Variants in ZFPM2 observed in about 807,000 individuals in gnomAD.
ZFPM2 encodes the protein zinc finger protein ZFPM2.
ZFPM2 carries 20 observed loss-of-function variants against 98.6 expected under a neutral mutation model. That is an observed-to-expected ratio of 0.20 (90% CI 0.14 to 0.29). The LOEUF (loss-of-function observed/expected upper bound fraction) is 0.29, where lower values mean the gene tolerates loss of function less well. Ranked by LOEUF, ZFPM2 falls within the 10% of genes least tolerant of loss-of-function variation. ZFPM2 has a pLI of 1.00. For missense variants in ZFPM2, 1,310 were observed against 1,388.6 expected, an observed-to-expected ratio of 0.94 and a Z score of 0.90; for synonymous variants, 518 against 502.7, an observed-to-expected ratio of 1.03 and a Z score of -0.41.
chr8:105,437,469 T>G (rs560902314), intron 2 of ZFPM2, among the ~76,000 whole-genome samples: 1 of 147,580 alleles, frequency 6.8e-6, no homozygotes, highest in Non-Finnish European at 1.5e-5. Context: ...CTTAATAGGT[T>G]GAATTACAAA....
intron 1 of ZFPM2, among the ~76,000 whole-genome samples, chr8:105,366,006 C>G (rs951901881): frequency 6.6e-6 from 1 of 152,124 alleles, no homozygotes; most frequent in African/African-American, 2.4e-5. Context: ...TGTAAAACTT[C>G]CCACATCTTT....
At chr8:105,515,818 A>AAAGAAAAT (rs1813907604) in intron 3 of ZFPM2, among the ~76,000 whole-genome samples, 1 of 152,026 alleles carries the variant, frequency 6.6e-6, no homozygotes, top group Non-Finnish European at 1.5e-5. Flanking sequence ...AGGCAATTTT[A>AAAGAAAAT]AAGAAAATAT....
At chr8:105,378,572 G>A (rs1424565070) in intron 1 of ZFPM2, among the ~76,000 whole-genome samples, 4 of 152,054 alleles carry the variant, frequency 2.6e-5, no homozygotes, top group East Asian at 1.9e-4. Context: ...GAGGACGCTC[G>A]GTAAATATTT....
chr8:105,557,942 G>A (rs1277168177), intron 3 of ZFPM2, among the ~76,000 whole-genome samples: 1 of 152,108 alleles, frequency 6.6e-6, no homozygotes, highest in Non-Finnish European at 1.5e-5. Flanking sequence ...GACTGTCAGT[G>A]TTGAAAAACA....
At chr8:105,380,901 A>G (rs1489551540) in intron 1 of ZFPM2, among the ~76,000 whole-genome samples, 1 of 104,628 alleles carries the variant, frequency 9.6e-6, no homozygotes, top group Non-Finnish European at 1.8e-5. Context: ...TATATATAAT[A>G]TATAATATAT....
At chr8:105,326,219 C>T (rs569961375) in intron 1 of ZFPM2, among the ~76,000 whole-genome samples, 14 of 151,726 alleles carry the variant, frequency 9.2e-5, no homozygotes, top group South Asian at 2.1e-4. Context: ...AATAAAAGAT[C>T]GTAGGTTTCC....
At chr8:105,394,888 A>G (rs529001510) in intron 1 of ZFPM2, among the ~76,000 whole-genome samples, 3 of 152,322 alleles carry the variant, frequency 2.0e-5, no homozygotes, top group African/African-American at 4.8e-5. Flanking sequence ...TCTTGAAACA[A>G]GGGATGCCTG....
intron 5 of ZFPM2, among the ~76,000 whole-genome samples, chr8:105,673,207 T>TA (rs1554571786): frequency 3.4e-5 from 5 of 149,152 alleles, no homozygotes; most frequent in South Asian, 4.2e-4. Context: ...TTTTTTTTTT[T>TA]ACCGATCGTA....
intron 3 of ZFPM2, among the ~76,000 whole-genome samples, chr8:105,534,855 G>A (rs1236648451): frequency 1.3e-5 from 2 of 152,138 alleles, no homozygotes; most frequent in Non-Finnish European, 2.9e-5. Context: ...GAAAATGATT[G>A]CTTTGGCTGT....
chr8:105,778,834 A>T (rs1291108481), intron 5 of ZFPM2, among the ~76,000 whole-genome samples: 1 of 152,000 alleles, frequency 6.6e-6, no homozygotes, highest in African/African-American at 2.4e-5. Flanking sequence ...TTTTTATGAA[A>T]ACCACAAAAA....
intron 1 of ZFPM2, among the ~76,000 whole-genome samples, chr8:105,362,679 C>T (rs536633416): frequency 1.3e-5 from 2 of 152,120 alleles, no homozygotes; most frequent in Admixed American, 6.5e-5. Flanking sequence ...ATGGTGTTCC[C>T]CTGAGTGAAT....
chr8:105,779,623 C>G (rs972132548), intron 5 of ZFPM2, among the ~76,000 whole-genome samples: 5 of 152,162 alleles, frequency 3.3e-5, no homozygotes, highest in Non-Finnish European at 5.9e-5. Flanking sequence ...GCTCTGTAAC[C>G]TAGCAACAGA....
At chr8:105,547,044 G>A (rs1772174426) in intron 3 of ZFPM2, among the ~76,000 whole-genome samples, 2 of 152,032 alleles carry the variant, frequency 1.3e-5, no homozygotes, top group African/African-American at 4.8e-5. Context: ...ATCTGGTGGA[G>A]GACAAAATAT....
intron 3 of ZFPM2, among the ~76,000 whole-genome samples, chr8:105,544,748 G>A (rs1423074889): frequency 1.3e-5 from 2 of 152,178 alleles, no homozygotes; most frequent in Non-Finnish European, 2.9e-5. Context: ...CCCCCCAAAT[G>A]CAAGATGATT....
intron 3 of ZFPM2, among the ~76,000 whole-genome samples, chr8:105,461,046 C>A (rs551390739): frequency 2.6e-4 from 39 of 151,870 alleles, no homozygotes; most frequent in African/African-American, 9.4e-4. Flanking sequence ...ATCATAATTA[C>A]CATTATGTGG....
At chr8:105,672,080 T>G (rs1410725935) in intron 5 of ZFPM2, among the ~76,000 whole-genome samples, 1 of 152,158 alleles carries the variant, frequency 6.6e-6, no homozygotes, top group Non-Finnish European at 1.5e-5. Context: ...GTCTTATACA[T>G]TCTAGACTTT....
chr8:105,688,946 A>G lies in ZFPM2; in HGVS notation c.532+54589A>G, dbSNP rs1344454059. Among the ~76,000 whole-genome samples the G allele has an allele frequency of 2.6e-5, 4 of 152,200 alleles. 1 individual carries two copies. The highest frequency in any genetic ancestry group is 1.3e-4 in the Admixed American group (2 of 15,282). On this transcript the variant is annotated intron_variant, in intron 5 of 7. Coordinates refer to ENST00000407775, the MANE Select transcript of ZFPM2 (RefSeq NM_012082.4). The stretch of plus-strand genomic sequence containing the variant: ...AGAATAAATTACTCATTAGTGTTCA[A>G]ATAAATTGCCTATATGGTGGCTCCA...
chr8:105,425,405 A>C (rs555896281), intron 2 of ZFPM2, among the ~76,000 whole-genome samples: 1 of 152,314 alleles, frequency 6.6e-6, no homozygotes, highest in East Asian at 1.9e-4. Flanking sequence ...ATGAGACTCC[A>C]TCTGTAGCTC....
chr8:105,534,999 A>C (rs1016282095), intron 3 of ZFPM2, among the ~76,000 whole-genome samples: 4 of 152,166 alleles, frequency 2.6e-5, no homozygotes, highest in African/African-American at 9.6e-5. Flanking sequence ...CTCCGAATAC[A>C]TGGTGTATCT....
Sources: gnomAD v4.1 joint callset for allele counts (sites outside exome capture counted in the v4.1 genomes callset) on GRCh38, gnomAD v4.1.1 for gene constraint, MANE v1.5 for transcripts, NCBI Gene and HGNC (gene_info 2026-07-23, HGNC 2026-07-21) for gene names.